ZNF385D: variants seen among roughly 807,000 people sequenced by gnomAD.
ZNF385D encodes zinc finger protein 659.
ZNF385D carries 15 observed loss-of-function variants against 35.8 expected under a neutral mutation model. That is an observed-to-expected ratio of 0.42 (90% CI 0.28 to 0.64). The LOEUF is 0.64. Among genes scored for constraint, ZNF385D ranks in the 30% least tolerant of loss-of-function variants. The probability of loss-of-function intolerance (pLI) is 0.23; values close to 1 mark genes in which losing one functional copy is unlikely to be tolerated. For missense variants in ZNF385D, 474 were observed against 494.6 expected, an observed-to-expected ratio of 0.96 and a Z score of 0.39; for synonymous variants, 212 against 186.8, an observed-to-expected ratio of 1.13 and a Z score of -1.10.
intron 2 of ZNF385D, among the ~76,000 whole-genome samples, chr3:22,193,903 G>A (rs1696230260): frequency 6.6e-6 from 1 of 151,918 alleles, no homozygotes; most frequent in Non-Finnish European, 1.5e-5. Context: ...ATCAAGTCAT[G>A]GGAATGTCAG....
chr3:21,903,586 T>C (rs1475360463), intron 3 of ZNF385D, among the ~76,000 whole-genome samples: 4 of 152,166 alleles, frequency 2.6e-5, no homozygotes, highest in African/African-American at 4.8e-5. Flanking sequence ...ATGGTGATGA[T>C]TGCAGTGGTA....
chr3:22,027,915 A>G (rs939035676), intron 3 of ZNF385D, among the ~76,000 whole-genome samples: 2 of 152,162 alleles, frequency 1.3e-5, no homozygotes, highest in Admixed American at 6.5e-5. Context: ...GGCACTACCA[A>G]AAGTGGAGAG....
chr3:21,814,526 G>A (rs186047879), intron 3 of ZNF385D, among the ~76,000 whole-genome samples: 268 of 152,058 alleles, frequency 1.8e-3, no homozygotes, highest in Non-Finnish European at 3.5e-3. Context: ...AAGCAGGGGT[G>A]GCAATCCTAG....
intron 2 of ZNF385D, among the ~76,000 whole-genome samples, chr3:21,619,724 C>G (rs1394163045): frequency 6.6e-6 from 1 of 152,094 alleles, no homozygotes; most frequent in Non-Finnish European, 1.5e-5. Context: ...TGCTGAGGGA[C>G]TAATGGTGGG....
At chr3:21,838,486 T>C (rs1488857856) in intron 3 of ZNF385D, among the ~76,000 whole-genome samples, 1 of 152,088 alleles carries the variant, frequency 6.6e-6, no homozygotes, top group Non-Finnish European at 1.5e-5. Flanking sequence ...AATTCAGCTA[T>C]AAGACCTTTT....
At chr3:21,781,300 G>A (rs1041923102) in intron 3 of ZNF385D, among the ~76,000 whole-genome samples, 8 of 152,058 alleles carry the variant, frequency 5.3e-5, no homozygotes, top group Non-Finnish European at 1.0e-4. Context: ...GTAAGCGGTA[G>A]CAATCTAAAC....
At chr3:22,075,779 T>C (rs1481664833) in intron 3 of ZNF385D, among the ~76,000 whole-genome samples, 5 of 151,960 alleles carry the variant, frequency 3.3e-5, no homozygotes, top group Non-Finnish European at 5.9e-5. Flanking sequence ...GCTTCAAATA[T>C]TTAACTGCAT....
At chr3:21,995,421 T>TC (rs371181743) in intron 3 of ZNF385D, among the ~76,000 whole-genome samples, 1 of 152,026 alleles carries the variant, frequency 6.6e-6, no homozygotes, top group African/African-American at 2.4e-5. Context: ...GGCTAGTTTA[T>TC]CCCCAGGATC....
intron 3 of ZNF385D, among the ~76,000 whole-genome samples, chr3:22,037,466 T>C (rs1439686300): frequency 2.6e-5 from 4 of 152,160 alleles, no homozygotes; most frequent in Admixed American, 1.3e-4. Flanking sequence ...TGGCCAGTGA[T>C]GATGAGCATT....
rs778859200 is a variant in ZNF385D, at chr3:21,437,054, C to T, written c.589G>A (p.Glu197Lys). ...TAAAGAAGCCGTTTTGCCTTTTCTT[C>T]CTCGGTCTCAGTAGAAGGACATGAG... ...NSSCPSTETE[E>K]EKAKRLLYCS... The change falls in exon 5 of 8, where the codon GAA (glutamate) becomes AAA (lysine). Residue 197 changes from glutamate (E) to lysine (K), a missense_variant. Transcript: ENST00000281523. 2.0e-5 allele frequency: 33 copies of T among 1,613,984 alleles called. No individual in the cohort carries two copies. Among genetic ancestry groups the T allele is most frequent in the Non-Finnish European group, 2.6e-5 (31 of 1,179,896 alleles).
At chr3:21,459,924 C>T (rs1396970432) in intron 4 of ZNF385D, among the ~76,000 whole-genome samples, 1 of 152,144 alleles carries the variant, frequency 6.6e-6, no homozygotes, top group Non-Finnish European at 1.5e-5. Flanking sequence ...TTCCACGTCC[C>T]AGACTGATCA....
At chr3:22,188,341 A>G (rs1695779964) in intron 2 of ZNF385D, among the ~76,000 whole-genome samples, 1 of 152,172 alleles carries the variant, frequency 6.6e-6, no homozygotes. Context: ...AATCCTACCT[A>G]TAATAGTCTT....
intron 2 of ZNF385D, among the ~76,000 whole-genome samples, chr3:22,229,028 A>G (rs1458527519): frequency 2.0e-5 from 3 of 152,222 alleles, no homozygotes; most frequent in Non-Finnish European, 4.4e-5. Flanking sequence ...CTCAGCTTGC[A>G]GGAGGCCTAT....
intron 2 of ZNF385D, among the ~76,000 whole-genome samples, chr3:22,199,282 A>T (rs1400542317): frequency 3.3e-5 from 5 of 152,146 alleles, no homozygotes; most frequent in African/African-American, 1.2e-4. Context: ...TACATCTCAG[A>T]TCAGAGAAAC....
chr3:22,093,812 T>C (rs1272596985), intron 3 of ZNF385D, among the ~76,000 whole-genome samples: 1 of 152,152 alleles, frequency 6.6e-6, no homozygotes, highest in Admixed American at 6.6e-5. Context: ...TAATAGGGAT[T>C]CCAAGCAAGT....
At chr3:22,344,058 T>C (rs573043365) in intron 2 of ZNF385D, among the ~76,000 whole-genome samples, 1 of 152,222 alleles carries the variant, frequency 6.6e-6, no homozygotes, top group Admixed American at 6.5e-5. Flanking sequence ...GGATCCCTCT[T>C]TGCAGTGAAC....
At chr3:21,963,273 T>C (rs1702699195) in intron 3 of ZNF385D, among the ~76,000 whole-genome samples, 1 of 152,094 alleles carries the variant, frequency 6.6e-6, no homozygotes, top group South Asian at 2.1e-4. Context: ...TGTGGTAGCA[T>C]TGGGTCTATG....
intron 3 of ZNF385D, among the ~76,000 whole-genome samples, chr3:22,147,413 A>G (rs946914150): frequency 1.3e-5 from 2 of 152,158 alleles, no homozygotes; most frequent in South Asian, 2.1e-4. Flanking sequence ...AGTTCCACGA[A>G]TGCTATCCTG....
intron 2 of ZNF385D, among the ~76,000 whole-genome samples, chr3:22,190,499 C>T (rs17689583): frequency 0.13 from 19,933 of 152,034 alleles, 1,592 homozygotes; most frequent in Middle Eastern, 0.24. Context: ...AGGAATTTGT[C>T]GTGGTCACTG....
Sources: allele counts gnomAD v4.1 joint callset (sites outside exome capture counted in the v4.1 genomes callset), GRCh38; gene constraint gnomAD v4.1.1; transcripts MANE v1.5; gene names NCBI Gene and HGNC (gene_info 2026-07-23, HGNC 2026-07-21).